CHRM3: variants seen among roughly 807,000 people sequenced by gnomAD.
The protein encoded by CHRM3 is muscarinic acetylcholine receptor M3.
Under a neutral mutation model 41.8 loss-of-function variants are expected in CHRM3, and 11 were observed. The observed-to-expected ratio is 0.26, with a 90% CI of 0.17 to 0.44. The LOEUF (loss-of-function observed/expected upper bound fraction) is 0.44. CHRM3 is among the 20% of genes least tolerant of loss of function. The pLI is 1.00. For synonymous variants in CHRM3, 297 were observed against 301.4 expected, an observed-to-expected ratio of 0.99 and a Z score of 0.15; for missense variants, 571 against 745.4, an observed-to-expected ratio of 0.77 and a Z score of 2.72.
At chr1:239,679,526 C>T (rs1658351677) in intron 5 of CHRM3, among the ~76,000 whole-genome samples, 1 of 152,046 alleles carries the variant, frequency 6.6e-6, no homozygotes, top group Non-Finnish European at 1.5e-5. Flanking sequence ...TGCAATGTCC[C>T]AAATGTACCA....
chr1:239,544,467 A>T (rs1190851947), intron 2 of CHRM3, among the ~76,000 whole-genome samples: 1 of 152,174 alleles, frequency 6.6e-6, no homozygotes, highest in Non-Finnish European at 1.5e-5. Flanking sequence ...ACTGCTAACT[A>T]GTGTGTAATT....
At chr1:239,485,517 T>G (rs905736078) in intron 1 of CHRM3, among the ~76,000 whole-genome samples, 1 of 152,080 alleles carries the variant, frequency 6.6e-6, no homozygotes, top group Non-Finnish European at 1.5e-5. Flanking sequence ...CTCCGGGCCT[T>G]AAGCGTTCCT....
intron 4 of CHRM3, among the ~76,000 whole-genome samples, chr1:239,648,903 T>C (rs1671992672): frequency 6.6e-6 from 1 of 152,134 alleles, no homozygotes; most frequent in Non-Finnish European, 1.5e-5. Context: ...GAATTATAGA[T>C]CGTAACATTA....
chr1:239,749,376 T>C (rs1239025345), intron 5 of CHRM3, among the ~76,000 whole-genome samples: 4 of 152,040 alleles, frequency 2.6e-5, no homozygotes, highest in Admixed American at 2.0e-4. Context: ...TGCAAGAAGC[T>C]TGGAGGGTAG....
Position 239,691,750 on chromosome 1 carries a change from A to C in CHRM3, c.-147+13462A>C, listed in dbSNP as rs575447896. Among the ~76,000 whole-genome samples, 17 of 152,268 alleles carry C rather than the reference A, an allele frequency of 1.1e-4. No individual in the cohort carries two copies. In the East Asian group the frequency reaches 3.3e-3, roughly 29 times the overall value. The stretch of plus-strand genomic sequence containing the variant: ...CAGTCGTGCTAATGTCTCCTAATTT[A>C]GATATATACATAAATAGTGAATTAA... On this transcript the variant is annotated intron_variant, in intron 5 of 6. Transcript: ENST00000676153.
intron 1 of CHRM3, among the ~76,000 whole-genome samples, chr1:239,480,236 C>T (rs1666743617): frequency 1.3e-5 from 2 of 152,086 alleles, no homozygotes; most frequent in South Asian, 4.1e-4. Flanking sequence ...AAGAAAATTA[C>T]ACCAGATGAA....
intron 3 of CHRM3, among the ~76,000 whole-genome samples, chr1:239,588,034 C>T (rs1385527658): frequency 4.6e-5 from 7 of 152,206 alleles, no homozygotes; most frequent in Non-Finnish European, 2.9e-5. Context: ...AGCTACACAT[C>T]GCTCTGCTCT....
At chr1:239,851,718 C>A (rs1409007730) in intron 6 of CHRM3, among the ~76,000 whole-genome samples, 2 of 152,156 alleles carry the variant, frequency 1.3e-5, no homozygotes, top group East Asian at 3.8e-4. Flanking sequence ...TGGCCTAGAA[C>A]TTAGTTTATA....
intron 6 of CHRM3, among the ~76,000 whole-genome samples, chr1:239,827,601 A>C (rs1672557509): frequency 6.6e-6 from 1 of 152,186 alleles, no homozygotes; most frequent in Non-Finnish European, 1.5e-5. Flanking sequence ...AGGGTGGGTA[A>C]AAGGTTTAGA....
At chr1:239,660,153 A>G (rs758059209) in intron 4 of CHRM3, among the ~76,000 whole-genome samples, 5 of 151,760 alleles carry the variant, frequency 3.3e-5, no homozygotes, top group Non-Finnish European at 7.4e-5. Flanking sequence ...TTTGTTTTGT[A>G]TTGTTTTTTG....
intron 6 of CHRM3, among the ~76,000 whole-genome samples, chr1:239,869,097 A>T (rs1676360796): frequency 3.9e-5 from 6 of 151,998 alleles, no homozygotes; most frequent in Admixed American, 3.3e-4. Flanking sequence ...TGCACCCCAA[A>T]CTGCATGCCA....
intron 6 of CHRM3, among the ~76,000 whole-genome samples, chr1:239,853,594 AAAAT>A (rs1457463225): frequency 3.3e-5 from 5 of 152,066 alleles, no homozygotes; most frequent in African/African-American, 7.2e-5. Context: ...AAAGAAGAAA[AAAAT>A]AAATACTCTT....
At chr1:239,584,846 G>T (rs182200531) in intron 3 of CHRM3, among the ~76,000 whole-genome samples, 1 of 152,114 alleles carries the variant, frequency 6.6e-6, no homozygotes, top group African/African-American at 2.4e-5. Flanking sequence ...TGGACATTGT[G>T]TTGGTGAGCA....
chr1:239,904,660 T>C (rs1023311708), intron 6 of CHRM3, among the ~76,000 whole-genome samples: 10 of 152,144 alleles, frequency 6.6e-5, no homozygotes, highest in Admixed American at 5.2e-4. Context: ...TAAGTGTAAG[T>C]TGACACCTAA....
At chr1:239,644,157 G>A (rs1671516512) in intron 4 of CHRM3, among the ~76,000 whole-genome samples, 1 of 152,116 alleles carries the variant, frequency 6.6e-6, no homozygotes, top group Non-Finnish European at 1.5e-5. Context: ...TTCTTAGAAG[G>A]CATAAATGTT....
chr1:239,685,586 G>T (rs1659053813), intron 5 of CHRM3, among the ~76,000 whole-genome samples: 3 of 152,102 alleles, frequency 2.0e-5, no homozygotes, highest in Admixed American at 2.0e-4. Flanking sequence ...CCCTTGGGAG[G>T]CTGAGGTGAG....
intron 5 of CHRM3, among the ~76,000 whole-genome samples, chr1:239,732,977 G>T (rs1272323114): frequency 6.6e-6 from 1 of 151,766 alleles, no homozygotes; most frequent in Non-Finnish European, 1.5e-5. Context: ...ATCTCATTTT[G>T]TTTGTTTAAT....
intron 3 of CHRM3, among the ~76,000 whole-genome samples, chr1:239,612,846 A>G (rs1198416253): frequency 1.3e-5 from 2 of 152,158 alleles, no homozygotes; most frequent in Non-Finnish European, 2.9e-5. Flanking sequence ...CCAGGTTCAC[A>G]CACTACCACT....
intron 3 of CHRM3, among the ~76,000 whole-genome samples, chr1:239,547,859 T>C (rs1380160764): frequency 2.6e-5 from 4 of 151,972 alleles, no homozygotes; most frequent in African/African-American, 9.7e-5. Flanking sequence ...CAAACATAGC[T>C]TGAGTATGGA....
Sources: allele counts gnomAD v4.1 joint callset (sites outside exome capture counted in the v4.1 genomes callset), GRCh38; gene constraint gnomAD v4.1.1; transcripts MANE v1.5; gene names NCBI Gene and HGNC (gene_info 2026-07-23, HGNC 2026-07-21).